Variants in IFIH1 observed in about 807,000 individuals in gnomAD.
IFIH1 encodes interferon induced with helicase C domain 1.
In IFIH1, 125 loss-of-function variants were observed where a neutral mutation model predicts 107.4. The observed-to-expected ratio is 1.16, with a 90% CI of 1.01 to 1.35. The LOEUF (loss-of-function observed/expected upper bound fraction) is 1.35. Among genes scored for constraint, IFIH1 ranks in the 40% most tolerant of loss-of-function variants. IFIH1 has a pLI of 0.00. For synonymous variants in IFIH1, 458 were observed against 413.2 expected (o/e 1.11, Z -1.31); for missense variants, 1,333 against 1,213.7 (o/e 1.10, Z -1.46).
rs74162073 is a variant in IFIH1 at position 162,317,888 on chromosome 2, C to T, written c.420G>A (p.Glu140=). ...LVRDVLDKCM[E]EELLTIEDRN... is the part of the protein sequence containing the mutation. ...TGTCTTCAATTGTCAACAGTTCCTC[C>T]TCCATGCACTTATCCAAGACGTCTC... The change falls in exon 1 of 16, where the codon GAG becomes GAA. Residue 140 remains glutamate, a synonymous_variant. Coordinates refer to ENST00000649979, the MANE Select transcript of IFIH1 (RefSeq NM_022168.4). The T allele has an allele frequency of 4.8e-4, 776 of 1,602,586 alleles. No individual in the cohort carries two copies. Among genetic ancestry groups the T allele is most frequent in the Non-Finnish European group, 6.1e-4 (713 of 1,174,692 alleles).
In IFIH1 at chr2:162,268,272, CA is replaced by C; in HGVS notation, c.2621del (p.Leu874TrpfsTer8). ...CCATTATACTTTGCATCTGTAATTC[CA>C]AAATCTGGACAGAGAAAGGAATAGT... ...MKPEEYAHKI[L>X]ELQMQSIMEK... On this transcript the variant is annotated frameshift_variant, in exon 14 of 16. Coordinates refer to ENST00000649979, the MANE Select transcript of IFIH1 (RefSeq NM_022168.4). LOFTEE classifies it high-confidence loss of function. 1.9e-6 allele frequency: 3 copies of C among 1,599,660 alleles called. No individual in the cohort carries two copies. Among genetic ancestry groups the C allele is most frequent in the Admixed American group, 1.7e-5 (1 of 59,322 alleles).
chr2:162,275,745 TTTACTC>T (rs1216609058), intron 11 of IFIH1, among the ~76,000 whole-genome samples: 5 of 152,154 alleles, frequency 3.3e-5, no homozygotes, highest in African/African-American at 9.7e-5. Context: ...AGAAGAATAT[TTTACTC>T]TAACAAGGCA....
chr2:162,293,170 A>G (rs947728474), intron 4 of IFIH1, among the ~76,000 whole-genome samples: 4 of 151,958 alleles, frequency 2.6e-5, no homozygotes, highest in African/African-American at 9.7e-5. Flanking sequence ...TCTCTTATTG[A>G]TAGTATCAAT....
rs1558871618 is a variant in IFIH1 at position 162,295,032 on chromosome 2, T to A, written c.770-1364A>T. Among the ~76,000 whole-genome samples the A allele has an allele frequency of 2.0e-5, 3 of 152,024 alleles. No individual in the cohort carries two copies. In the South Asian group the frequency reaches 6.2e-4, roughly 31 times the overall value. ...AATTTACTTACTAAAAAGATTACTT[T>A]TTATGTTTATAGTTTGAGAAGTTTG... On this transcript the variant is annotated intron_variant, in intron 3 of 15. Coordinates refer to ENST00000649979, the MANE Select transcript of IFIH1 (RefSeq NM_022168.4).
intron 1 of IFIH1, among the ~76,000 whole-genome samples, chr2:162,315,370 G>A (rs1576241427): frequency 6.6e-6 from 1 of 152,282 alleles, no homozygotes; most frequent in East Asian, 1.9e-4. Context: ...TGGGATGAAA[G>A]AGGTAATTTC....
In IFIH1 at chr2:162,293,625, A is replaced by T; in HGVS notation, c.813T>A (p.Asp271Glu). Residue 271 changes from aspartate (D) to glutamate (E), a missense_variant, in exon 4 of 16, where the codon GAT becomes GAA. Coordinates refer to ENST00000649979, the MANE Select transcript of IFIH1 (RefSeq NM_022168.4). ...SLAEGSVSCL[D>E]ESLGHNSNMG... is the part of the protein sequence containing the mutation. ...TGTTGCTGTTATGTCCAAGACTTTC[A>T]TCTAAGCAGCTGACACTTCCTTCTG... 1 of 1,611,986 alleles carries T rather than the reference A, an allele frequency of 6.2e-7. No individual in the cohort carries two copies.
Position 162,267,255 on chromosome 2 carries a change from A to G in IFIH1, c.3023T>C (p.Ile1008Thr). The G allele has an allele frequency of 6.2e-7, 1 of 1,610,618 alleles. No homozygotes were observed. Among genetic ancestry groups the G allele is most frequent in the Non-Finnish European group, 8.5e-7 (1 of 1,179,082 alleles). Residue 1008 changes from isoleucine to threonine, a missense_variant, in exon 16 of 16, where the codon ATC becomes ACC. Physicochemically the swap from Ile to Thr is moderately conservative, Grantham distance 89. Coordinates refer to ENST00000649979, the MANE Select transcript of IFIH1 (RefSeq NM_022168.4). ...KQYKKWVELP[I>T]TFPNLDYSEC... ...TGAATAGTCAAGATTGGGAAATGTG[A>G]TAGGTAATTCTACCCACTTTTTGTA...
intron 11 of IFIH1, among the ~76,000 whole-genome samples, chr2:162,275,630 G>T (rs1183566380): frequency 6.6e-6 from 1 of 152,128 alleles, no homozygotes; most frequent in Non-Finnish European, 1.5e-5. Flanking sequence ...AGCAAACACT[G>T]AAACAGAATT....
chr2:162,315,915 A>G (rs1475635216), intron 1 of IFIH1, among the ~76,000 whole-genome samples: 5 of 152,220 alleles, frequency 3.3e-5, no homozygotes, highest in African/African-American at 9.7e-5. Context: ...AGAGAGCCTC[A>G]AATTTATAGC....
chr2:162,293,028 T>A (rs1432907987), intron 4 of IFIH1, among the ~76,000 whole-genome samples: 1 of 151,916 alleles, frequency 6.6e-6, no homozygotes, highest in Non-Finnish European at 1.5e-5. Flanking sequence ...ATATTGAAAG[T>A]AATTTGGGAA....
chr2:162,284,492 C>A (rs767679225), intron 5 of IFIH1, among the ~76,000 whole-genome samples: 1 of 151,906 alleles, frequency 6.6e-6, no homozygotes, highest in African/African-American at 2.4e-5. Flanking sequence ...AAAACTTCCA[C>A]GATATTTCAC....
At chr2:162,274,840 C>T (rs995262140) in intron 11 of IFIH1, among the ~76,000 whole-genome samples, 1 of 152,184 alleles carries the variant, frequency 6.6e-6, no homozygotes, top group Admixed American at 6.5e-5. Flanking sequence ...ATACATTAAA[C>T]AAAAATAAAG....
rs541309433 is a variant in IFIH1, at chr2:162,275,871, C to A, written c.2304+816G>T. On this transcript the variant is annotated intron_variant, in intron 11 of 15. Coordinates refer to ENST00000649979, the MANE Select transcript of IFIH1 (RefSeq NM_022168.4). ...CATGTAAACAAAGTAAAACAAAACACCTTAAAATGGAACAGAAAACCTACT... is the reference window on the plus strand; with the variant it reads ...CATGTAAACAAAGTAAAACAAAACAACTTAAAATGGAACAGAAAACCTACT... 8.5e-5 allele frequency among the ~76,000 whole-genome samples: 13 copies of A among 152,134 alleles called. No homozygotes were observed. In the East Asian group the frequency reaches 1.9e-3, roughly 23 times the overall value.
At chr2:162,302,282 A>C (rs1234387262) in intron 3 of IFIH1, among the ~76,000 whole-genome samples, 2 of 152,212 alleles carry the variant, frequency 1.3e-5, no homozygotes, top group Middle Eastern at 3.2e-3. Flanking sequence ...GCATGCACTA[A>C]GACTACTATG....
chr2:162,281,386 G>C lies in IFIH1; in HGVS notation c.1466C>G (p.Ala489Gly). ...CGTGGCCCCTCCAACACCAGGTGAA[G>C]CTGTTAGTCCCAGTATCTGAGGAAG... ...IPLPQILGLTASPGVGGATKQ... is the reference protein window; with the variant it reads ...IPLPQILGLTGSPGVGGATKQ... Residue 489 changes from alanine (A) to glycine (G), a missense_variant, in exon 7 of 16, where the codon GCT (alanine) becomes GGT (glycine). Coordinates refer to ENST00000649979, the MANE Select transcript of IFIH1 (RefSeq NM_022168.4). 6.2e-7 allele frequency: 1 copy of C among 1,612,804 alleles called. No individual in the cohort carries two copies. The highest frequency in any genetic ancestry group is 8.5e-7 in the Non-Finnish European group (1 of 1,179,180).
chr2:162,303,100 A>T (rs1683219273), intron 3 of IFIH1, among the ~76,000 whole-genome samples: 1 of 152,106 alleles, frequency 6.6e-6, no homozygotes, highest in Non-Finnish European at 1.5e-5. Flanking sequence ...GGAAAGCTCC[A>T]TGGGGGCTGA....
chr2:162,300,326 TA>T (rs761165220), intron 3 of IFIH1, among the ~76,000 whole-genome samples: 2 of 152,132 alleles, frequency 1.3e-5, no homozygotes, highest in Non-Finnish European at 2.9e-5. Context: ...AAAACTCTGC[TA>T]AAAAAACAGC....
intron 13 of IFIH1, among the ~76,000 whole-genome samples, chr2:162,270,988 C>T (rs1691024979): frequency 6.6e-6 from 1 of 152,128 alleles, no homozygotes; most frequent in Non-Finnish European, 1.5e-5. Flanking sequence ...CTAACATTCA[C>T]ACCCATATGC....
At chr2:162,288,106 T>C in intron 5 of IFIH1, 29 bp downstream of exon 5, 1 of 1,393,226 alleles carries the variant, frequency 7.2e-7, no homozygotes, top group East Asian at 2.3e-5. Flanking sequence ...ATGAAAATGA[T>C]CAACTAGTGT....
Sources: allele counts gnomAD v4.1 joint callset (sites outside exome capture counted in the v4.1 genomes callset), GRCh38; gene constraint gnomAD v4.1.1; transcripts MANE v1.5; gene names NCBI Gene and HGNC (gene_info 2026-07-23, HGNC 2026-07-21).